IL1RAPL2: variants seen among roughly 807,000 people sequenced by gnomAD.
The protein encoded by IL1RAPL2 is interleukin 1 receptor accessory protein like 2.
IL1RAPL2 carries 3 observed loss-of-function variants against 44.1 expected under a neutral mutation model. The observed-to-expected ratio is 0.07, with a 90% confidence interval of 0.03 to 0.18. The LOEUF (loss-of-function observed/expected upper bound fraction) is 0.18, where lower values mean the gene tolerates loss of function less well. Among genes scored for constraint, IL1RAPL2 ranks in the 10% least tolerant of loss-of-function variants. The pLI is 1.00. For synonymous variants in IL1RAPL2, 181 were observed against 178.8 expected, an observed-to-expected ratio of 1.01 and a Z score of -0.10; for missense variants, 391 against 496.4, an observed-to-expected ratio of 0.79 and a Z score of 2.02.
intron 2 of IL1RAPL2, among the ~76,000 whole-genome samples, chrX:104,745,670 A>G (rs970302639): frequency 6.3e-5 from 7 of 111,856 alleles, no homozygotes; most frequent in Non-Finnish European, 9.4e-5. Context: ...GCGTTAGTAC[A>G]TTAATGATAA....
At chrX:104,698,855 G>C (rs769078569) in intron 2 of IL1RAPL2, among the ~76,000 whole-genome samples, 1 of 111,685 alleles carries the variant, frequency 9.0e-6, no homozygotes, top group South Asian at 3.8e-4. Flanking sequence ...CCAGCTCTCA[G>C]GAAGAGAGGT....
intron 2 of IL1RAPL2, among the ~76,000 whole-genome samples, chrX:104,908,100 G>T (rs1924086746): frequency 9.1e-6 from 1 of 110,302 alleles, no homozygotes; most frequent in African/African-American, 3.3e-5. Flanking sequence ...TTTAAAGTCT[G>T]TTTTATCAGA....
At chrX:104,590,701 C>T (rs1216934007) in intron 1 of IL1RAPL2, among the ~76,000 whole-genome samples, 1 of 111,951 alleles carries the variant, frequency 8.9e-6, no homozygotes, top group Non-Finnish European at 1.9e-5. Context: ...GTGTTCTAGG[C>T]TGGCCTTTGC....
intron 2 of IL1RAPL2, among the ~76,000 whole-genome samples, chrX:104,688,812 T>C (rs1345653875): frequency 1.8e-5 from 2 of 112,347 alleles, no homozygotes; most frequent in Admixed American, 1.9e-4. Flanking sequence ...GAATATTTTA[T>C]TAACTATTTT....
At chrX:105,214,785 G>A (rs1295916939) in intron 3 of IL1RAPL2, among the ~76,000 whole-genome samples, 1 of 111,869 alleles carries the variant, frequency 8.9e-6, no homozygotes, top group Admixed American at 9.5e-5. Context: ...TCGGACCACA[G>A]TGCAATCAAA....
intron 2 of IL1RAPL2, among the ~76,000 whole-genome samples, chrX:104,895,374 C>T (rs1402934562): frequency 4.4e-5 from 5 of 112,790 alleles, no homozygotes; most frequent in African/African-American, 1.6e-4. Context: ...CTATGCCCTG[C>T]CCCCAGAAGG....
chrX:104,795,700 G>A (rs1015289529), intron 2 of IL1RAPL2, among the ~76,000 whole-genome samples: 3 of 111,123 alleles, frequency 2.7e-5, no homozygotes, highest in Non-Finnish European at 5.7e-5. Context: ...TTACACTGGG[G>A]ACTCAGATAC....
At chrX:104,906,969 A>C (rs1348285263) in intron 2 of IL1RAPL2, among the ~76,000 whole-genome samples, 1 of 111,449 alleles carries the variant, frequency 9.0e-6, no homozygotes, top group African/African-American at 3.3e-5. Flanking sequence ...GATTATTGCC[A>C]CAATTTCAGC....
intron 1 of IL1RAPL2, among the ~76,000 whole-genome samples, chrX:104,628,406 A>G: frequency 9.0e-6 from 1 of 111,266 alleles, no homozygotes; most frequent in African/African-American, 3.3e-5. Context: ...CAGTAAGATG[A>G]ACTTTTTTAA....
At chrX:105,714,024 A>G (rs2038237063) in intron 6 of IL1RAPL2, among the ~76,000 whole-genome samples, 2 of 111,483 alleles carry the variant, frequency 1.8e-5, no homozygotes, top group African/African-American at 6.5e-5. Context: ...CTTGTACCAG[A>G]TGCCCTAGTT....
At chrX:105,149,144 G>A (rs767023613) in intron 2 of IL1RAPL2, among the ~76,000 whole-genome samples, 13 of 111,938 alleles carry the variant, frequency 1.2e-4, no homozygotes, top group Admixed American at 3.8e-4. Flanking sequence ...CCTGTAGTAC[G>A]ATGCTCTTAT....
intron 5 of IL1RAPL2, among the ~76,000 whole-genome samples, chrX:105,295,302 A>G (rs1054655197): frequency 5.4e-5 from 6 of 111,878 alleles, no homozygotes; most frequent in African/African-American, 1.9e-4. Flanking sequence ...CAGGGTGACT[A>G]GACCTGAGAT....
intron 2 of IL1RAPL2, among the ~76,000 whole-genome samples, chrX:104,791,997 G>A (rs1932828687): frequency 9.0e-6 from 1 of 111,310 alleles, no homozygotes. Flanking sequence ...ATGCTAAGAA[G>A]GTGAGTTGCT....
intron 4 of IL1RAPL2, among the ~76,000 whole-genome samples, chrX:105,261,629 C>T (rs2034360583): frequency 1.8e-5 from 2 of 111,419 alleles, no homozygotes; most frequent in Admixed American, 1.9e-4. Context: ...ATTTTTCTGG[C>T]TAAGAGTAAG....
intron 6 of IL1RAPL2, among the ~76,000 whole-genome samples, chrX:105,636,006 A>G (rs1003471382): frequency 9.0e-6 from 1 of 110,969 alleles, no homozygotes; most frequent in African/African-American, 3.3e-5. Context: ...AAGGTAAACA[A>G]TGGGAGTGGG....
intron 2 of IL1RAPL2, among the ~76,000 whole-genome samples, chrX:104,732,269 A>C (rs989517289): frequency 4.5e-5 from 5 of 111,334 alleles, no homozygotes; most frequent in Non-Finnish European, 3.8e-5. Context: ...AAGGGAAGGA[A>C]ATAGAAGTAG....
At chrX:104,959,463 T>C (rs1352179046) in intron 2 of IL1RAPL2, among the ~76,000 whole-genome samples, 1 of 112,001 alleles carries the variant, frequency 8.9e-6, no homozygotes, top group Non-Finnish European at 1.9e-5. Context: ...ATCTCCCTCC[T>C]ACAGTCATTT....
chrX:105,035,920 AC>A (rs2031620284), intron 2 of IL1RAPL2, among the ~76,000 whole-genome samples: 3 of 112,149 alleles, frequency 2.7e-5, no homozygotes, highest in African/African-American at 9.7e-5. Context: ...TTAAATATCT[AC>A]AGTCATCCAC....
intron 5 of IL1RAPL2, among the ~76,000 whole-genome samples, chrX:105,383,953 G>A (rs2035456949): frequency 9.0e-6 from 1 of 111,395 alleles, no homozygotes; most frequent in Admixed American, 9.6e-5. Flanking sequence ...TTATAGATTG[G>A]ATTATTTGTG....
Sources: gnomAD v4.1 joint callset for allele counts (sites outside exome capture counted in the v4.1 genomes callset) on GRCh38, gnomAD v4.1.1 for gene constraint, MANE v1.5 for transcripts, NCBI Gene and HGNC (gene_info 2026-07-23, HGNC 2026-07-21) for gene names.